Variants in PACSIN2 observed in about 807,000 individuals in gnomAD.
PACSIN2 encodes protein kinase C and casein kinase substrate in neurons protein 2.
A neutral mutation model predicts 63.8 loss-of-function variants in PACSIN2; 25 were observed. The observed-to-expected ratio is 0.39, with a 90% CI of 0.29 to 0.55. The LOEUF (loss-of-function observed/expected upper bound fraction) is 0.55, where lower values mean the gene tolerates loss of function less well. Ranked by LOEUF, PACSIN2 falls within the 20% of genes least tolerant of loss-of-function variation. The pLI is 0.62. For missense variants in PACSIN2, 518 were observed against 646.9 expected (o/e 0.80, Z 2.16); for synonymous variants, 255 against 256.2 (o/e 1.00, Z 0.05).
chr22:42,928,252 G>A (rs1014214338), intron 1 of PACSIN2, among the ~76,000 whole-genome samples: 13 of 152,246 alleles, frequency 8.5e-5, no homozygotes, highest in African/African-American at 3.1e-4. Context: ...CGCTGCCTCT[G>A]AAGTCCTTAA....
chr22:43,014,366 C>A (rs1924726398), intron 1 of PACSIN2, among the ~76,000 whole-genome samples: 1 of 11,218 alleles, frequency 8.9e-5, no homozygotes, highest in Admixed American at 1.3e-3. Flanking sequence ...ACACACACAC[C>A]ACCCCCCCCC....
chr22:42,961,045 G>A (rs1934114237), intron 1 of PACSIN2, among the ~76,000 whole-genome samples: 1 of 152,160 alleles, frequency 6.6e-6, no homozygotes, highest in Admixed American at 6.5e-5. Flanking sequence ...AAGTGGTAAT[G>A]GCCAGGGCAG....
At chr22:43,002,485 G>A (rs987653840) in intron 1 of PACSIN2, 5 of 152,074 alleles carry the variant, frequency 3.3e-5, no homozygotes, top group Non-Finnish European at 5.9e-5. Context: ...ACTTAGGAAG[G>A]AAATGTGACT....
At chr22:42,970,314 C>A (rs1921161230) in intron 1 of PACSIN2, among the ~76,000 whole-genome samples, 2 of 152,330 alleles carry the variant, frequency 1.3e-5, no homozygotes, top group South Asian at 4.1e-4. Flanking sequence ...GTGGGACTCT[C>A]CCCAAATTCA....
intron 1 of PACSIN2, among the ~76,000 whole-genome samples, chr22:42,912,487 C>T (rs1000641315): frequency 3.0e-4 from 46 of 152,176 alleles, no homozygotes; most frequent in African/African-American, 1.1e-3. Context: ...GAGGTAATCC[C>T]ACCTTTGACA....
At chr22:42,895,393 C>T (rs961646723) in intron 2 of PACSIN2, among the ~76,000 whole-genome samples, 3 of 152,158 alleles carry the variant, frequency 2.0e-5, no homozygotes, top group Non-Finnish European at 2.9e-5. Context: ...CCTTGACAGT[C>T]GACATGAAGC....
chr22:42,995,598 T>C (rs1923341934), intron 1 of PACSIN2, among the ~76,000 whole-genome samples: 1 of 152,128 alleles, frequency 6.6e-6, no homozygotes, highest in African/African-American at 2.4e-5. Context: ...AATGTGCATT[T>C]CCAATGTCAT....
chr22:42,872,074 T>C (rs1928192091), intron 10 of PACSIN2, among the ~76,000 whole-genome samples: 1 of 152,268 alleles, frequency 6.6e-6, no homozygotes, highest in East Asian at 1.9e-4. Flanking sequence ...GGAATCTCCC[T>C]GTGGCTCTAA....
At chr22:42,997,308 C>T (rs1326626752) in intron 1 of PACSIN2, among the ~76,000 whole-genome samples, 2 of 152,194 alleles carry the variant, frequency 1.3e-5, no homozygotes, top group African/African-American at 4.8e-5. Flanking sequence ...CCTGTTATCC[C>T]AGGACTTTGG....
At position 42,962,777 on chromosome 22, in the gene PACSIN2, G is replaced by GA. The variant is rs1555936920; in HGVS notation, c.-77-50621_-77-50620insT. ...CAGTCACAAGAGCAAGGTGTGGGCG[G>GA]GGGGGGGGGGCGGCGCAGAAAAAGA... On this transcript the variant is annotated intron_variant, in intron 1 of 10. Coordinates refer to ENST00000263246, the MANE Select transcript of PACSIN2 (RefSeq NM_001184970.3). Among the ~76,000 whole-genome samples, 2 of 123,300 alleles carry GA rather than the reference G, an allele frequency of 1.6e-5. 1 individual carries two copies. The highest frequency in any genetic ancestry group is 3.3e-5 in the Non-Finnish European group (2 of 60,558). 80.9% of individuals were successfully genotyped at this position (123,300 alleles called of 152,430 possible).
chr22:42,970,933 G>C (rs2146866430), intron 1 of PACSIN2, among the ~76,000 whole-genome samples: 2 of 152,224 alleles, frequency 1.3e-5, no homozygotes, highest in South Asian at 4.1e-4. Context: ...CAGGCTCCCT[G>C]CACCACCCTG....
chr22:43,003,171 C>A (rs979170776), intron 1 of PACSIN2, among the ~76,000 whole-genome samples: 2 of 152,188 alleles, frequency 1.3e-5, no homozygotes, highest in Non-Finnish European at 1.5e-5. Flanking sequence ...TACACAAAAA[C>A]CACTTTGTGC....
rs1933532038 is a variant in PACSIN2, at chr22:42,948,486, G to GAGCTGGGT, written c.-77-36337_-77-36330dup. ...GCCTTTGAAGTTTAAAAAGCCACAC[G>GAGCTGGGT]AGCTGGGTGTGGTGGCACATGACTA... On this transcript the variant is annotated intron_variant, in intron 1 of 10. Coordinates refer to ENST00000263246, the MANE Select transcript of PACSIN2 (RefSeq NM_001184970.3). Among the ~76,000 whole-genome samples, 3 of 152,182 alleles carry GAGCTGGGT rather than the reference G, an allele frequency of 2.0e-5. No homozygotes were observed. In the South Asian group the frequency reaches 6.2e-4, roughly 32 times the overall value.
intron 1 of PACSIN2, among the ~76,000 whole-genome samples, chr22:42,968,336 A>G (rs991485451): frequency 6.6e-6 from 1 of 152,146 alleles, no homozygotes; most frequent in African/African-American, 2.4e-5. Context: ...TGAAACCAGG[A>G]AGGGTATAAA....
chr22:42,950,559 G>T (rs1395339280), intron 1 of PACSIN2, among the ~76,000 whole-genome samples: 1 of 152,178 alleles, frequency 6.6e-6, no homozygotes, highest in Non-Finnish European at 1.5e-5. Context: ...GGCTCTGAAG[G>T]CCTGTGCAGC....
intron 1 of PACSIN2, among the ~76,000 whole-genome samples, chr22:42,943,179 ATT>A (rs1486743915): frequency 6.6e-6 from 1 of 151,962 alleles, no homozygotes; most frequent in Non-Finnish European, 1.5e-5. Flanking sequence ...TCTTAATTCC[ATT>A]TTTTGAATTA....
chr22:42,993,247 T>C (rs1226772996), intron 1 of PACSIN2, among the ~76,000 whole-genome samples: 2 of 150,912 alleles, frequency 1.3e-5, no homozygotes, highest in Non-Finnish European at 2.9e-5. Flanking sequence ...TTTTAGAAAA[T>C]GCAAATGATT....
chr22:42,960,943 A>T (rs1001158632), intron 1 of PACSIN2, among the ~76,000 whole-genome samples: 2 of 152,232 alleles, frequency 1.3e-5, no homozygotes, highest in African/African-American at 4.8e-5. Flanking sequence ...AACAGACAGG[A>T]AACAAATATT....
intron 1 of PACSIN2, among the ~76,000 whole-genome samples, chr22:42,968,753 A>G (rs1250507063): frequency 2.6e-5 from 4 of 152,208 alleles, no homozygotes; most frequent in Admixed American, 6.5e-5. Flanking sequence ...GTGTCTATCA[A>G]TGTCCTGGAG....
Sources: allele counts gnomAD v4.1 joint callset (sites outside exome capture counted in the v4.1 genomes callset), GRCh38; gene constraint gnomAD v4.1.1; transcripts MANE v1.5; gene names NCBI Gene and HGNC (gene_info 2026-07-23, HGNC 2026-07-21).